The following TRPM4 variants were observed in gnomAD, a reference collection of about 807,000 sequenced individuals.
The protein encoded by TRPM4 is calcium-activated non-selective cation channel 1.
In TRPM4, 124 loss-of-function variants were observed where a neutral mutation model predicts 135.6. The ratio of observed to expected loss-of-function variants is 0.91; its 90% CI spans 0.79 to 1.06. The LOEUF (loss-of-function observed/expected upper bound fraction) is 1.06, where lower values mean the gene tolerates loss of function less well. Among genes scored for constraint, TRPM4 ranks in the 50% least tolerant of loss-of-function variants. TRPM4 has a pLI of 0.00. For missense variants in TRPM4, 1,658 were observed against 1,671.4 expected, an observed-to-expected ratio of 0.99 and a Z score of 0.14; for synonymous variants, 745 against 705.6, an observed-to-expected ratio of 1.06 and a Z score of -0.88.
chr19:49,175,031 G>A (rs1436758465), intron 9 of TRPM4, among the ~76,000 whole-genome samples: 1 of 146,284 alleles, frequency 6.8e-6, no homozygotes, highest in Non-Finnish European at 1.5e-5. Context: ...AGCCCCACAA[G>A]TAGCTGGGAC....
intron 15 of TRPM4, 75 bp downstream of exon 15, chr19:49,190,395 C>G: frequency 7.7e-7 from 1 of 1,298,016 alleles, no homozygotes; most frequent in Non-Finnish European, 1.1e-6. Flanking sequence ...CCTCTGCCCA[C>G]CTTTCTTCCC....
Position 49,166,030 on chromosome 19 carries a change from C to T in TRPM4, c.93-11C>T, listed in dbSNP as rs779218192. ...CAGCCCTGGGTTCACGCTCCGCCCT[C>T]GCACCCCCAGAGGGACCTTGTGCCA... is the stretch of plus-strand genomic sequence containing the variant. On this transcript the variant is annotated splice_polypyrimidine_tract_variant and intron_variant, in intron 2 of 24. Transcript: ENST00000252826. 1.3e-6 allele frequency: 2 copies of T among 1,583,124 alleles called. No individual in the cohort carries two copies. Among genetic ancestry groups the T allele is most frequent in the East Asian group, 2.3e-5 (1 of 43,826 alleles).
chr19:49,175,631 T>A (rs1210534681), intron 9 of TRPM4, among the ~76,000 whole-genome samples: 1 of 151,590 alleles, frequency 6.6e-6, no homozygotes, highest in African/African-American at 2.4e-5. Flanking sequence ...ATATTTTAAT[T>A]ATTTTTCTTA....
intron 10 of TRPM4, 134 bp from the exon 11 acceptor site, chr19:49,182,444 C>G: frequency 1.4e-6 from 1 of 721,064 alleles, no homozygotes; most frequent in East Asian, 2.7e-5. Flanking sequence ...ATTCATCCAT[C>G]CATCCACCCA....
Position 49,171,777 on chromosome 19 carries a change from A to G in TRPM4, c.1050+8A>G. 1 of 1,606,030 alleles carries G rather than the reference A, an allele frequency of 6.2e-7. No homozygotes were observed. The highest frequency in any genetic ancestry group is 8.5e-7 in the Non-Finnish European group (1 of 1,178,714). On this transcript the variant is annotated splice_region_variant and intron_variant, in intron 8 of 24. Transcript: ENST00000252826. This position sits in a 1 kb window ranked among gnomAD's most constrained non-coding sequence, Gnocchi z 4.7. Reference sequence around the variant, plus strand: ...GAGGTCCTGCAGGCCCAGGTATGACACTGGGGGCCCAACTCTGGATCCTGA... The same window carrying G: ...GAGGTCCTGCAGGCCCAGGTATGACGCTGGGGGCCCAACTCTGGATCCTGA...
At chr19:49,161,321 CT>C (rs146659824) in intron 2 of TRPM4, among the ~76,000 whole-genome samples, 7,416 of 108,892 alleles carry the variant, frequency 0.068, 258 homozygotes, top group East Asian at 0.16. Flanking sequence ...CTGTCTCTCT[CT>C]CTTTTTTTTT....
Position 49,200,317 on chromosome 19 carries a change from A to G in TRPM4, c.2663A>G (p.Tyr888Cys). The G allele has an allele frequency of 1.2e-6, 2 of 1,613,960 alleles. No homozygotes were observed. The highest frequency in any genetic ancestry group is 2.2e-5 in the South Asian group (2 of 91,066). The change falls in exon 18 of 25, where the codon TAC (tyrosine) becomes TGC (cysteine). Residue 888 changes from tyrosine to cysteine, a missense_variant. By Grantham distance (194) the Tyr-to-Cys change is radical. Around this residue, in one of 3 missense-constraint regions of TRPM4, gnomAD observed 1,412 missense variants for 1,408.7 expected, o/e 1.00. Transcript: ENST00000252826. ...CACCCCAGGCTGACCCCGGGTTTGT[A>G]CCACCTGGGCCGCACTGTCCTCTGC... ...GVGCRLTPGL[Y>C]HLGRTVLCID...
At chr19:49,176,737 A>G (rs896432613) in intron 9 of TRPM4, among the ~76,000 whole-genome samples, 1 of 152,132 alleles carries the variant, frequency 6.6e-6, no homozygotes, top group African/African-American at 2.4e-5. Context: ...TGTAATCCCA[A>G]CTAGTTGGGA....
At chr19:49,195,046 G>A (rs977103576) in intron 16 of TRPM4, among the ~76,000 whole-genome samples, 12 of 151,822 alleles carry the variant, frequency 7.9e-5, no homozygotes, top group African/African-American at 2.9e-4. Flanking sequence ...TCAGGCTTGA[G>A]CTACCACGCC....
At position 49,204,992 on chromosome 19, in the gene TRPM4, T is replaced by G. The variant is rs1180598965; in HGVS notation, c.3131+2851T>G. On this transcript the variant is annotated intron_variant, in intron 20 of 24. Transcript: ENST00000252826. ...TCATTGGCTTTGGTTGTTTTTTTTT[T>G]TTTTTTTTTTTCAGAGATGGGGTCT... Among the ~76,000 whole-genome samples, 10 of 149,204 alleles carry G rather than the reference T, an allele frequency of 6.7e-5. 1 individual carries two copies. In the South Asian group the frequency reaches 2.1e-3, roughly 32 times the overall value.
At chr19:49,162,566 A>T (rs370956013) in intron 2 of TRPM4, among the ~76,000 whole-genome samples, 1 of 150,166 alleles carries the variant, frequency 6.7e-6, no homozygotes, top group Non-Finnish European at 1.5e-5. Flanking sequence ...ACAAACAAAC[A>T]AAAAAACAAT....
At chr19:49,178,674 TG>T (rs753284015) in intron 9 of TRPM4, among the ~76,000 whole-genome samples, 2 of 152,038 alleles carry the variant, frequency 1.3e-5, no homozygotes, top group Admixed American at 1.3e-4. Flanking sequence ...AGGGACAAGG[TG>T]GGGCCAGGGT....
At chr19:49,179,147 C>T (rs1967817877) in intron 9 of TRPM4, among the ~76,000 whole-genome samples, 1 of 151,994 alleles carries the variant, frequency 6.6e-6, no homozygotes, top group African/African-American at 2.4e-5. Flanking sequence ...CCTCCACCTC[C>T]CGGGTTCAAG....
rs781077434 is a variant in TRPM4 at position 49,158,277 on chromosome 19, G to A, written c.92+18G>A. On this transcript the variant is annotated intron_variant, in intron 2 of 24. Coordinates refer to ENST00000252826, the MANE Select transcript of TRPM4 (RefSeq NM_017636.4). The stretch of plus-strand genomic sequence containing the variant: ...GATCCGGGGTGAGGAGTTCGCCCCT[G>A]GACTGACCCCAGAGGGTCCGCGGCC... 6.2e-7 allele frequency: 1 copy of A among 1,612,894 alleles called. No individual in the cohort carries two copies. The highest frequency in any genetic ancestry group is 1.7e-5 in the Admixed American group (1 of 60,016).
Position 49,196,629 on chromosome 19 carries a change from G to T in TRPM4, c.2400G>T (p.Val800=), listed in dbSNP as rs1968654379. The T allele has an allele frequency of 1.3e-6, 2 of 1,551,672 alleles. No homozygotes were observed. The highest frequency in any genetic ancestry group is 8.7e-7 in the Non-Finnish European group (1 of 1,151,414). Residue 800 remains valine, a synonymous_variant, in exon 17 of 25, where the codon GTG becomes GTT. Transcript: ENST00000252826. The part of the protein sequence containing the change: ...YLLFLLLFSR[V]LLVDFQPAPP... ...TGTTCCTGCTGCTTTTCTCGCGGGT[G>T]CTGCTCGTGGATTTCCAGCCGGCGC...
intron 14 of TRPM4, 58 bp downstream of exon 14, chr19:49,189,149 G>A (rs1968315847): frequency 6.2e-7 from 1 of 1,610,492 alleles, no homozygotes; most frequent in South Asian, 1.1e-5. Flanking sequence ...TGGGAAGTAT[G>A]GGGATGAGCC....
At chr19:49,193,173 C>T (rs938049494) in intron 16 of TRPM4, among the ~76,000 whole-genome samples, 4 of 151,496 alleles carry the variant, frequency 2.6e-5, no homozygotes, top group South Asian at 2.1e-4. Context: ...CTCCTCCTCC[C>T]GGGTTCACAC....
At chr19:49,182,427 CCT>C in intron 10 of TRPM4, 149 bp from the exon 11 acceptor site, 1 of 675,640 alleles carries the variant, frequency 1.5e-6, no homozygotes, top group Admixed American at 2.2e-5. Flanking sequence ...CATCCATCTA[CCT>C]ATCCATTCAT....
rs1226405360 is a variant in TRPM4, at chr19:49,182,436, T to TCATC, written c.1264-131_1264-128dup. The TCATC allele has an allele frequency of 6.8e-4, 431 of 638,190 alleles. No homozygotes were observed. In the African/African-American group the frequency reaches 9.4e-3, roughly 14 times the overall value. 39.5% of individuals were successfully genotyped at this position (638,190 alleles called of 1,614,324 possible). ...TCCATCCATCCATCTACCTATCCAT[T>TCATC]CATCCATCCATCCACCCATCCATCC... On this transcript the variant is annotated intron_variant, in intron 10 of 24. Coordinates refer to ENST00000252826, the MANE Select transcript of TRPM4 (RefSeq NM_017636.4).
Sources: gnomAD v4.1 joint callset for allele counts (sites outside exome capture counted in the v4.1 genomes callset) on GRCh38, gnomAD v4.1.1 for gene constraint, gnomAD v4.1.1 regional missense constraint, Gnocchi (gnomAD v3.1) non-coding constraint, MANE v1.5 for transcripts, NCBI Gene and HGNC (gene_info 2026-07-23, HGNC 2026-07-21) for gene names.